TSNARE1: variants seen among roughly 807,000 people sequenced by gnomAD.
TSNARE1 encodes the protein t-SNARE domain-containing protein 1.
A neutral mutation model predicts 62.0 loss-of-function variants in TSNARE1; 49 were observed. That is an observed-to-expected ratio of 0.79 (90% CI 0.63 to 1.00). The LOEUF (loss-of-function observed/expected upper bound fraction) is 1.00, where lower values mean the gene tolerates loss of function less well. Ranked by LOEUF, TSNARE1 falls within the 50% of genes least tolerant of loss-of-function variation. TSNARE1 has a pLI of 0.00. For synonymous variants in TSNARE1, 328 were observed against 294.4 expected (o/e 1.11, Z -1.17); for missense variants, 755 against 700.1 (o/e 1.08, Z -0.88).
At chr8:142,337,013 G>C (rs1237213388) in intron 4 of TSNARE1, among the ~76,000 whole-genome samples, 2 of 150,942 alleles carry the variant, frequency 1.3e-5, no homozygotes, top group East Asian at 3.9e-4. Context: ...ATAGAGGGAA[G>C]TGTATAGCAA....
At chr8:142,217,777 ACCAGGATCAGCGTTCAGGGTGTGG>A (rs1482417179) in intron 13 of TSNARE1, among the ~76,000 whole-genome samples, 8 of 149,468 alleles carry the variant, frequency 5.4e-5, no homozygotes, top group African/African-American at 1.5e-4. Context: ...TTAGTTTGTG[ACCAGGATCAGCGTTCAGGGTGTGG>A]CCAGGATCAG....
At chr8:142,257,704 C>T (rs1818653474) in intron 12 of TSNARE1, among the ~76,000 whole-genome samples, 1 of 152,074 alleles carries the variant, frequency 6.6e-6, no homozygotes, top group African/African-American at 2.4e-5. Context: ...AAGATCCCCG[C>T]GATGACCCAG....
intron 12 of TSNARE1, among the ~76,000 whole-genome samples, chr8:142,250,589 C>T (rs565179628): frequency 6.6e-6 from 1 of 152,308 alleles, no homozygotes; most frequent in South Asian, 2.1e-4. Flanking sequence ...GGAGCGTTCT[C>T]ATCTGTCTTG....
At chr8:142,233,411 G>A (rs1016410093) in intron 12 of TSNARE1, among the ~76,000 whole-genome samples, 1 of 152,160 alleles carries the variant, frequency 6.6e-6, no homozygotes, top group Admixed American at 6.5e-5. Context: ...TCCACATCAA[G>A]CCTTGAGAAC....
chr8:142,277,958 C>T (rs1481346391), intron 11 of TSNARE1: 1 of 985,320 alleles, frequency 1.0e-6, no homozygotes, highest in East Asian at 1.1e-4. Context: ...CACCCCCAAA[C>T]CAGGTCTGCC....
At chr8:142,313,640 G>C (rs1033322329) in intron 9 of TSNARE1, among the ~76,000 whole-genome samples, 3 of 148,988 alleles carry the variant, frequency 2.0e-5, no homozygotes, top group Non-Finnish European at 3.0e-5. Flanking sequence ...TGTGTCTCTA[G>C]CTCTGTCTCT....
At chr8:142,394,730 G>C (rs1837780406) in intron 1 of TSNARE1, among the ~76,000 whole-genome samples, 1 of 152,196 alleles carries the variant, frequency 6.6e-6, no homozygotes, top group Admixed American at 6.5e-5. Context: ...AGGGGCAGCA[G>C]GGCCACCATG....
intron 4 of TSNARE1, among the ~76,000 whole-genome samples, chr8:142,334,434 G>A (rs989323742): frequency 2.0e-5 from 3 of 151,946 alleles, no homozygotes; most frequent in African/African-American, 7.3e-5. Context: ...CCATTCACAG[G>A]TGGGCAGGTG....
intron 2 of TSNARE1, among the ~76,000 whole-genome samples, chr8:142,346,527 CT>C (rs1358694794): frequency 6.6e-6 from 1 of 152,248 alleles, no homozygotes; most frequent in Non-Finnish European, 1.5e-5. Context: ...TTATAAAAGC[CT>C]TTTAAAATCT....
At chr8:142,344,505 C>A in intron 3 of TSNARE1, 33 bp from the exon 4 acceptor site, 2 of 1,466,452 alleles carry the variant, frequency 1.4e-6, no homozygotes, top group South Asian at 1.4e-5. Context: ...ATGTTTAAGG[C>A]CCTGGGCCTG....
intron 10 of TSNARE1, among the ~76,000 whole-genome samples, chr8:142,296,383 G>C (rs1342527097): frequency 9.4e-5 from 12 of 128,220 alleles, no homozygotes; most frequent in Non-Finnish European, 1.9e-4. Context: ...TCACTGTCAT[G>C]GGGGAGGGGT....
At chr8:142,382,895 G>C (rs1305727595) in intron 1 of TSNARE1, among the ~76,000 whole-genome samples, 1 of 152,214 alleles carries the variant, frequency 6.6e-6, no homozygotes, top group Non-Finnish European at 1.5e-5. Context: ...CCAGGGTGGA[G>C]GCAGCAGGCA....
At chr8:142,373,074 C>T (rs1488511009) in intron 1 of TSNARE1, among the ~76,000 whole-genome samples, 1 of 152,200 alleles carries the variant, frequency 6.6e-6, no homozygotes, top group Admixed American at 6.5e-5. Context: ...CTGCTGAGAC[C>T]CCTGAGTGGG....
At chr8:142,271,183 C>T in intron 12 of TSNARE1, 1 of 991,486 alleles carries the variant, frequency 1.0e-6, no homozygotes, top group Non-Finnish European at 1.2e-6. Flanking sequence ...CAGCAGGCCC[C>T]TGGGCCACTC....
intron 13 of TSNARE1, among the ~76,000 whole-genome samples, chr8:142,213,585 A>C (rs780810143): frequency 6.6e-6 from 1 of 152,028 alleles, no homozygotes; most frequent in Non-Finnish European, 1.5e-5. Flanking sequence ...GTGGGCGGCA[A>C]ACTCCCTGCG....
chr8:142,331,644 C>T (rs1421230753), intron 5 of TSNARE1, 110 bp downstream of exon 5: 10 of 1,083,198 alleles, frequency 9.2e-6, no homozygotes, highest in East Asian at 2.6e-5. Flanking sequence ...GGGACTGCAC[C>T]GCAGGATGGC....
At chr8:142,233,932 C>T (rs1247075521) in intron 12 of TSNARE1, among the ~76,000 whole-genome samples, 1 of 152,214 alleles carries the variant, frequency 6.6e-6, no homozygotes, top group Non-Finnish European at 1.5e-5. Context: ...TCGACCACTG[C>T]ACCCTCCCAG....
chr8:142,314,336 G>T lies in TSNARE1; in HGVS notation c.1131+48C>A, dbSNP rs1391073953. ...TGGAGCACAGATGGCAGCGGATTCT[G>T]GGCTGTCCCCTAACAGCCACTGACC... On this transcript the variant is annotated intron_variant, in intron 9 of 13. Transcript: ENST00000524325. The T allele has an allele frequency of 3.2e-6, 5 of 1,554,628 alleles. No individual in the cohort carries two copies. The Admixed American group carries it at 8.5e-5, about 27-fold the overall frequency.
chr8:142,226,430 G>C (rs1816776714), intron 13 of TSNARE1, among the ~76,000 whole-genome samples: 1 of 152,172 alleles, frequency 6.6e-6, no homozygotes, highest in Non-Finnish European at 1.5e-5. Context: ...CCACCTCTCA[G>C]CCCACGCTGT....
Sources: gnomAD v4.1 joint callset for allele counts (sites outside exome capture counted in the v4.1 genomes callset) on GRCh38, gnomAD v4.1.1 for gene constraint, MANE v1.5 for transcripts, NCBI Gene and HGNC (gene_info 2026-07-23, HGNC 2026-07-21) for gene names.